GABPB2: variants seen among roughly 807,000 people sequenced by gnomAD.
GABPB2 encodes GA binding protein transcription factor subunit beta 2, also known as GA-binding protein subunit beta-2.
GABPB2 carries 23 observed loss-of-function variants against 39.1 expected under a neutral mutation model. The observed-to-expected ratio is 0.59, with a 90% CI of 0.42 to 0.83. The LOEUF is 0.83. GABPB2 is among the 40% of genes least tolerant of loss of function. GABPB2 has a pLI of 0.00. For synonymous variants in GABPB2, 184 were observed against 199.3 expected, an observed-to-expected ratio of 0.92 and a Z score of 0.65; for missense variants, 467 against 541.1, an observed-to-expected ratio of 0.86 and a Z score of 1.36.
At chr1:151,073,090 T>TC (rs1411893700) in intron 1 of GABPB2, 1 of 152,090 alleles carries the variant, frequency 6.6e-6, no homozygotes, top group Admixed American at 6.6e-5. Flanking sequence ...TCATAGCTCA[T>TC]CGCATCCTTG....
chr1:151,090,179 G>C (rs965165923), intron 2 of GABPB2, among the ~76,000 whole-genome samples: 1 of 151,904 alleles, frequency 6.6e-6, no homozygotes, highest in Non-Finnish European at 1.5e-5. Context: ...CCTGACCTCA[G>C]GTGATCTGCC....
intron 4 of GABPB2, among the ~76,000 whole-genome samples, chr1:151,097,639 C>T (rs1263933896): frequency 6.6e-6 from 1 of 151,878 alleles, no homozygotes; most frequent in Non-Finnish European, 1.5e-5. Context: ...ATTAGCTGGG[C>T]GTGGTGGCGT....
chr1:151,088,688 T>A (rs1430277158), intron 2 of GABPB2, among the ~76,000 whole-genome samples: 1 of 152,218 alleles, frequency 6.6e-6, no homozygotes, highest in Non-Finnish European at 1.5e-5. Flanking sequence ...TCCTTTTCTC[T>A]AATATGCCCT....
In GABPB2 at chr1:151,085,732, G is replaced by A. The variant is rs1368284644; in HGVS notation, c.1-2458G>A. 6.6e-5 allele frequency among the ~76,000 whole-genome samples: 10 copies of A among 152,274 alleles called. No individual in the cohort carries two copies. In the East Asian group the frequency reaches 1.5e-3, roughly 24 times the overall value. On this transcript the variant is annotated intron_variant, in intron 1 of 8. Coordinates refer to ENST00000368918, the MANE Select transcript of GABPB2 (RefSeq NM_144618.3). ...CTCCCAAAGTACTGGGATTATAGGC[G>A]TGAGCCACTGCGCCTGGCCAAAAGC...
At chr1:151,099,525 T>C (rs1262933682) in intron 5 of GABPB2, among the ~76,000 whole-genome samples, 2 of 152,146 alleles carry the variant, frequency 1.3e-5, no homozygotes, top group African/African-American at 4.8e-5. Context: ...TTATAAATAT[T>C]TTTTTTACAA....
rs977602098 is a variant in GABPB2 at position 151,122,113 on chromosome 1, A to C, written c.*3857A>C. 2.0e-5 allele frequency: 3 copies of C among 152,180 alleles called. No homozygotes were observed. The highest frequency in any genetic ancestry group is 4.4e-5 in the Non-Finnish European group (3 of 68,034). The allele number at this position is 152,180 out of a possible 1,614,324, so 9.4% of individuals were successfully genotyped here. A position where few individuals can be genotyped will look rare whatever the true frequency, so the allele number is the denominator to read the frequency against. ...GGTCTCAAAATAGACTGAAAATTTA[A>C]CTCCCCAAACCAAATTTAACAAACA... On this transcript the variant is annotated 3_prime_UTR_variant, in exon 9 of 9. Coordinates refer to ENST00000368918, the MANE Select transcript of GABPB2 (RefSeq NM_144618.3).
chr1:151,083,507 G>T (rs938185969), intron 1 of GABPB2, among the ~76,000 whole-genome samples: 2 of 152,116 alleles, frequency 1.3e-5, no homozygotes, highest in Admixed American at 6.6e-5. Flanking sequence ...GGTGGCACAT[G>T]CCTGTAATCC....
chr1:151,111,252 T>C (rs1438940571), intron 7 of GABPB2, among the ~76,000 whole-genome samples: 1 of 151,400 alleles, frequency 6.6e-6, no homozygotes, highest in Non-Finnish European at 1.5e-5. Flanking sequence ...TTTTTTCTTT[T>C]TTTTTTTTTG....
rs984022239 is a variant in GABPB2 at position 151,083,642 on chromosome 1, GA to G, written c.1-4536del. On this transcript the variant is annotated intron_variant, in intron 1 of 8. Coordinates refer to ENST00000368918, the MANE Select transcript of GABPB2 (RefSeq NM_144618.3). ...GGGCAAGACTCCGTCTCTATAGAGAGAAAAAAAAAAAATTATATATATATAT... is the reference window on the plus strand; with the variant it reads ...GGGCAAGACTCCGTCTCTATAGAGAGAAAAAAAAAAATTATATATATATAT... Among the ~76,000 whole-genome samples, 1,067 of 140,398 alleles carry G rather than the reference GA, an allele frequency of 7.6e-3. 4 individuals are homozygous for G. The highest frequency in any genetic ancestry group is 0.016 in the African/African-American group (591 of 37,482). The allele number at this position is 140,398 out of a possible 152,430, so 92.1% of individuals were successfully genotyped here.
chr1:151,094,967 G>A (rs1571935817), intron 4 of GABPB2, among the ~76,000 whole-genome samples: 1 of 146,934 alleles, frequency 6.8e-6, no homozygotes, highest in Non-Finnish European at 1.5e-5. Context: ...CCAAGATCGC[G>A]CCACTGCACT....
intron 5 of GABPB2, among the ~76,000 whole-genome samples, chr1:151,100,972 C>T (rs752727317): frequency 2.0e-5 from 3 of 151,904 alleles, no homozygotes; most frequent in Non-Finnish European, 2.9e-5. Context: ...AGACTGGGTG[C>T]GATGGCTCAC....
chr1:151,117,585 T>C, intron 8 of GABPB2, 69 bp downstream of exon 8: 1 of 1,503,264 alleles, frequency 6.7e-7, no homozygotes, highest in Non-Finnish European at 9.1e-7. Context: ...CTTCTTCATC[T>C]TTTCTTTTTT....
At chr1:151,080,215 CAAAAAAAAAAAA>C (rs57351502) in intron 1 of GABPB2, among the ~76,000 whole-genome samples, 2 of 29,970 alleles carry the variant, frequency 6.7e-5, no homozygotes, top group Non-Finnish European at 1.6e-4. Flanking sequence ...AACTCCATCT[CAAAAAAAAAAAA>C]AAAAAAAAAA....
At chr1:151,114,081 CA>C (rs1371937350) in intron 7 of GABPB2, among the ~76,000 whole-genome samples, 1 of 151,938 alleles carries the variant, frequency 6.6e-6, no homozygotes, top group East Asian at 1.9e-4. Flanking sequence ...CACAGTGGCT[CA>C]TGCCTATAAT....
At chr1:151,100,914 G>A (rs1679467919) in intron 5 of GABPB2, among the ~76,000 whole-genome samples, 1 of 151,944 alleles carries the variant, frequency 6.6e-6, no homozygotes, top group Non-Finnish European at 1.5e-5. Context: ...AGAAAAACTG[G>A]AAAGAATATT....
intron 1 of GABPB2, among the ~76,000 whole-genome samples, chr1:151,083,655 TTA>T (rs57774210): frequency 3.2e-4 from 47 of 145,610 alleles, no homozygotes; most frequent in African/African-American, 6.4e-4. Context: ...AAAAAAAAAA[TTA>T]TATATATATA....
chr1:151,088,414 A>G, intron 2 of GABPB2, 117 bp downstream of exon 2: 5 of 1,268,834 alleles, frequency 3.9e-6, no homozygotes, highest in Non-Finnish European at 5.5e-6. Flanking sequence ...CATATCCCTT[A>G]CAAGAGTTTT....
At chr1:151,076,479 G>C (rs1322303159) in intron 1 of GABPB2, among the ~76,000 whole-genome samples, 1 of 152,080 alleles carries the variant, frequency 6.6e-6, no homozygotes, top group African/African-American at 2.4e-5. Context: ...ACCTAGGCTG[G>C]AGTGCAGTGG....
chr1:151,104,568 C>T (rs1202816539), intron 6 of GABPB2, among the ~76,000 whole-genome samples: 2 of 152,168 alleles, frequency 1.3e-5, no homozygotes, highest in Non-Finnish European at 1.5e-5. Context: ...TAAATCACTT[C>T]TCCAGGTTCT....
Sources: allele counts gnomAD v4.1 joint callset (sites outside exome capture counted in the v4.1 genomes callset), GRCh38; gene constraint gnomAD v4.1.1; transcripts MANE v1.5; gene names NCBI Gene and HGNC (gene_info 2026-07-23, HGNC 2026-07-21).